RFC3: variants seen among roughly 807,000 people sequenced by gnomAD.
RFC3 encodes replication factor C subunit 3.
Under a neutral mutation model 45.1 loss-of-function variants are expected in RFC3, and 41 were observed. The ratio of observed to expected loss-of-function variants is 0.91; its 90% CI spans 0.71 to 1.18. The LOEUF (loss-of-function observed/expected upper bound fraction) is 1.18, where lower values mean the gene tolerates loss of function less well. RFC3 is among the 50% of genes most tolerant of loss of function. The pLI, the probability that RFC3 is intolerant of heterozygous loss-of-function variation, is 0.00. For missense variants in RFC3, 423 were observed against 428.1 expected (o/e 0.99, Z 0.10); for synonymous variants, 149 against 144.0 (o/e 1.03, Z -0.25).
chr13:33,887,791 G>C (rs1315105887), intron 8 of RFC3, among the ~76,000 whole-genome samples: 1 of 151,826 alleles, frequency 6.6e-6, no homozygotes, highest in Non-Finnish European at 1.5e-5. Flanking sequence ...AATCCATCTT[G>C]AATTAATTTT....
intron 8 of RFC3, among the ~76,000 whole-genome samples, chr13:33,940,120 G>A (rs1348506305): frequency 6.6e-6 from 1 of 151,908 alleles, no homozygotes; most frequent in African/African-American, 2.4e-5. Flanking sequence ...TTTTTATTAT[G>A]GGGGAGAGTT....
rs1369107675 is a variant in RFC3 at position 33,926,047 on chromosome 13, T to C, written c.880-40040T>C. ...GCAGCCATAAAAAATGATGAGTTCA[T>C]GTCCTTTGTTGGGACATGGATGAAA... On this transcript the variant is annotated intron_variant, in intron 8 of 8. Coordinates refer to the RFC3 transcript ENST00000434425. Among the ~76,000 whole-genome samples the C allele has an allele frequency of 9.2e-5, 14 of 152,130 alleles. No individual in the cohort carries two copies. In the East Asian group the frequency reaches 2.5e-3, roughly 27 times the overall value.
chr13:33,852,572 C>T (rs1358548355), intron 8 of RFC3, among the ~76,000 whole-genome samples: 1 of 151,972 alleles, frequency 6.6e-6, no homozygotes, highest in African/African-American at 2.4e-5. Context: ...TCACCAGGAA[C>T]ATTGAGAAAT....
At chr13:33,881,078 A>G (rs1180145406) in intron 8 of RFC3, among the ~76,000 whole-genome samples, 3 of 152,144 alleles carry the variant, frequency 2.0e-5, no homozygotes, top group Admixed American at 2.0e-4. Flanking sequence ...ACAAAAAAAG[A>G]TGTTAGTGAT....
intron 1 of RFC3, among the ~76,000 whole-genome samples, chr13:33,818,981 C>T (rs1350186900): frequency 6.7e-6 from 1 of 149,912 alleles, no homozygotes; most frequent in Non-Finnish European, 1.5e-5. Flanking sequence ...ACCTCCGCCT[C>T]ACGGGTTCAA....
chr13:33,899,409 A>G (rs990214017), intron 8 of RFC3, among the ~76,000 whole-genome samples: 1 of 151,822 alleles, frequency 6.6e-6, no homozygotes, highest in Non-Finnish European at 1.5e-5. Context: ...GATACATCAT[A>G]TCAACAGACA....
chr13:33,931,321 A>G (rs145237544), intron 8 of RFC3, among the ~76,000 whole-genome samples: 10 of 152,206 alleles, frequency 6.6e-5, no homozygotes, highest in African/African-American at 2.4e-4. Context: ...ACACAACAGC[A>G]TTGCCTAGAG....
intron 8 of RFC3, chr13:33,846,708 C>G (rs2082239641): frequency 6.8e-6 from 1 of 147,610 alleles, no homozygotes; most frequent in East Asian, 2.0e-4. Context: ...GTGGCGTAGA[C>G]TGCTATTCAA....
intron 8 of RFC3, among the ~76,000 whole-genome samples, chr13:33,959,059 T>C (rs1293927096): frequency 1.3e-5 from 2 of 152,220 alleles, no homozygotes; most frequent in African/African-American, 4.8e-5. Context: ...TCTCCAGACA[T>C]GCTTGAGAGC....
chr13:33,899,204 CAAAAAAAAAAAA>C (rs59221382), intron 8 of RFC3, among the ~76,000 whole-genome samples: 1 of 51,970 alleles, frequency 1.9e-5, no homozygotes, highest in Middle Eastern at 0.029. Context: ...CACAATAAGA[CAAAAAAAAAAAA>C]AAAAAAAAAA....
chr13:33,929,993 T>C (rs1002221805), intron 8 of RFC3, among the ~76,000 whole-genome samples: 16 of 152,120 alleles, frequency 1.1e-4, no homozygotes, highest in Admixed American at 3.3e-4. Context: ...TTGATACTTA[T>C]ATTTTTAGCA....
chr13:33,933,784 AAG>A (rs930210424), intron 8 of RFC3, among the ~76,000 whole-genome samples: 1 of 152,072 alleles, frequency 6.6e-6, no homozygotes, highest in Non-Finnish European at 1.5e-5. Context: ...TATTTTTATT[AAG>A]AGAGAGAAAT....
At chr13:33,905,452 TA>T (rs1384433745) in intron 8 of RFC3, among the ~76,000 whole-genome samples, 3 of 151,886 alleles carry the variant, frequency 2.0e-5, no homozygotes, top group Admixed American at 2.0e-4. Context: ...ATGAGTGTCA[TA>T]AGGCAAAAAA....
At chr13:33,899,147 A>G (rs775073894) in intron 8 of RFC3, among the ~76,000 whole-genome samples, 12 of 149,500 alleles carry the variant, frequency 8.0e-5, no homozygotes, top group Non-Finnish European at 1.6e-4. Context: ...AAATACTTTA[A>G]ACTCCTATGG....
At chr13:33,869,636 T>C (rs1214332982) in intron 8 of RFC3, among the ~76,000 whole-genome samples, 1 of 152,180 alleles carries the variant, frequency 6.6e-6, no homozygotes, top group Non-Finnish European at 1.5e-5. Context: ...TTTCTTTTCC[T>C]CATCTAGTTT....
At chr13:33,873,834 G>A (rs148318837) in intron 8 of RFC3, among the ~76,000 whole-genome samples, 4 of 152,176 alleles carry the variant, frequency 2.6e-5, no homozygotes, top group African/African-American at 7.2e-5. Context: ...ACTTTGAGGC[G>A]GTCAAAGTCC....
Position 33,883,991 on chromosome 13 carries a change from T to C in RFC3, c.879+48774T>C, listed in dbSNP as rs1593664131. ...CTTTATTTCTGGGGTTTGTCACCAA[T>C]GTGTAGCCTTTGAATAATCTCTGAA... On this transcript the variant is annotated intron_variant, in intron 8 of 8. Transcript: ENST00000434425. 4.6e-5 allele frequency among the ~76,000 whole-genome samples: 7 copies of C among 152,188 alleles called. No individual in the cohort carries two copies. In the South Asian group the frequency reaches 1.4e-3, roughly 32 times the overall value.
At chr13:33,821,015 A>G in intron 1 of RFC3, 117 bp from the exon 2 acceptor site, 1 of 1,004,990 alleles carries the variant, frequency 1.0e-6, no homozygotes, top group Non-Finnish European at 1.4e-6. Flanking sequence ...GTATCTACTC[A>G]TGAACTGGGA....
the RFC3 span, among the ~76,000 whole-genome samples, chr13:33,977,133 A>G: frequency 1.3e-5 from 2 of 152,204 alleles, no homozygotes; most frequent in African/African-American, 2.4e-5. Context: ...AAAAACAATG[A>G]AAGTCTGAGA....
Sources: allele counts gnomAD v4.1 joint callset (sites outside exome capture counted in the v4.1 genomes callset), GRCh38; gene constraint gnomAD v4.1.1; transcripts MANE v1.5; gene names NCBI Gene and HGNC (gene_info 2026-07-23, HGNC 2026-07-21).